The following NPAS3 variants were observed in gnomAD, a reference collection of about 807,000 sequenced individuals.
The protein encoded by NPAS3 is neuronal PAS domain protein 3.
NPAS3 carries 14 observed loss-of-function variants against 73.1 expected under a neutral mutation model. That is an observed-to-expected ratio of 0.19 (90% CI 0.13 to 0.30). The LOEUF (loss-of-function observed/expected upper bound fraction) is 0.30, where lower values mean the gene tolerates loss of function less well. NPAS3 is among the 10% of genes least tolerant of loss of function. The pLI is 1.00. For missense variants in NPAS3, 1,096 were observed against 1,250.0 expected (o/e 0.88, Z 1.86); for synonymous variants, 620 against 541.5 (o/e 1.14, Z -2.01).
chr14:33,698,434 C>T (rs2060444692), intron 6 of NPAS3, among the ~76,000 whole-genome samples: 1 of 152,134 alleles, frequency 6.6e-6, no homozygotes, highest in African/African-American at 2.4e-5. Flanking sequence ...CATAGCTTAA[C>T]TTCTTTCAAG....
intron 1 of NPAS3, among the ~76,000 whole-genome samples, chr14:33,053,543 G>T (rs1471502553): frequency 2.0e-5 from 3 of 152,272 alleles, no homozygotes; most frequent in African/African-American, 7.2e-5. Flanking sequence ...ACTTTTTCCT[G>T]GCAGTGTTTA....
chr14:33,703,332 A>C (rs1298301262), intron 6 of NPAS3, among the ~76,000 whole-genome samples: 1 of 152,090 alleles, frequency 6.6e-6, no homozygotes, highest in Non-Finnish European at 1.5e-5. Context: ...ACAAAAAAAA[A>C]ATTTTGAAAA....
chr14:33,263,552 G>T (rs931422291), intron 3 of NPAS3, among the ~76,000 whole-genome samples: 1 of 152,130 alleles, frequency 6.6e-6, no homozygotes, highest in Admixed American at 6.6e-5. Context: ...GTCAGGTAGC[G>T]TGATGCCTCC....
intron 1 of NPAS3, among the ~76,000 whole-genome samples, chr14:33,031,893 C>T (rs562045231): frequency 2.6e-5 from 4 of 152,328 alleles, no homozygotes; most frequent in Admixed American, 1.3e-4. Context: ...AGATTTTGAT[C>T]TCACAGAGCG....
In NPAS3 at chr14:33,293,383, T is replaced by C. The variant is rs538892316; in HGVS notation, c.386-73803T>C. 3.9e-5 allele frequency among the ~76,000 whole-genome samples: 6 copies of C among 152,294 alleles called. No homozygotes were observed. The South Asian group carries it at 1.2e-3, about 32-fold the overall frequency. On this transcript the variant is annotated intron_variant, in intron 3 of 11. Transcript: ENST00000356141. ...CCTGCCCCTTTTCTCAATAAACATT[T>C]ATTGAGCATCTTTTTAGGATAAAAA...
chr14:33,760,379 C>A (rs1270954978), intron 7 of NPAS3, among the ~76,000 whole-genome samples: 1 of 152,038 alleles, frequency 6.6e-6, no homozygotes, highest in African/African-American at 2.4e-5. Context: ...TTGCTGTATC[C>A]CCAGAATCTA....
At chr14:32,972,325 T>G (rs1212350683) in intron 1 of NPAS3, among the ~76,000 whole-genome samples, 1 of 152,158 alleles carries the variant, frequency 6.6e-6, no homozygotes, top group Non-Finnish European at 1.5e-5. Context: ...AAACTTGATG[T>G]TTTAGTGACC....
chr14:33,324,273 C>T (rs1237707057), intron 3 of NPAS3, among the ~76,000 whole-genome samples: 1 of 152,126 alleles, frequency 6.6e-6, no homozygotes, highest in Non-Finnish European at 1.5e-5. Context: ...TAATCCAGGA[C>T]TTGGGAATAA....
intron 2 of NPAS3, among the ~76,000 whole-genome samples, chr14:33,117,697 T>G (rs1000077366): frequency 6.6e-6 from 1 of 152,146 alleles, no homozygotes; most frequent in Non-Finnish European, 1.5e-5. Context: ...AATTGTAACC[T>G]TATTTGATAG....
At chr14:33,746,171 T>G (rs2061785328) in intron 7 of NPAS3, among the ~76,000 whole-genome samples, 1 of 144,360 alleles carries the variant, frequency 6.9e-6, no homozygotes, top group Non-Finnish European at 1.5e-5. Flanking sequence ...TTTTATTTTA[T>G]TTTATTTATT....
intron 1 of NPAS3, among the ~76,000 whole-genome samples, chr14:32,953,158 A>C (rs1021178703): frequency 6.6e-6 from 1 of 151,890 alleles, no homozygotes; most frequent in Non-Finnish European, 1.5e-5. Context: ...ACAGAGTTGG[A>C]AATATCTACT....
At chr14:33,357,969 A>T (rs2045415219) in intron 3 of NPAS3, among the ~76,000 whole-genome samples, 1 of 152,028 alleles carries the variant, frequency 6.6e-6, no homozygotes, top group Admixed American at 6.6e-5. Flanking sequence ...GGTCTGCATG[A>T]CTCCAGAACC....
rs140628903 is a variant in NPAS3 at position 33,244,836 on chromosome 14, G to A, written c.385+29410G>A. On this transcript the variant is annotated intron_variant, in intron 3 of 11. Coordinates refer to ENST00000356141, the Ensembl canonical transcript of NPAS3. Reference sequence around the variant, plus strand: ...CCCATAGGTGTCAACTTGAGTGGTCGTGCCTTCCTTGCATTGTTTTCTTCT... The same window carrying A: ...CCCATAGGTGTCAACTTGAGTGGTCATGCCTTCCTTGCATTGTTTTCTTCT... Among the ~76,000 whole-genome samples, 1,010 of 152,246 alleles carry A rather than the reference G, an allele frequency of 6.6e-3. 7 individuals carry two copies. The highest frequency in any genetic ancestry group is 0.023 in the African/African-American group (961 of 41,530).
intron 3 of NPAS3, among the ~76,000 whole-genome samples, chr14:33,331,817 G>A (rs529664824): frequency 2.6e-5 from 4 of 152,316 alleles, no homozygotes; most frequent in Non-Finnish European, 5.9e-5. Flanking sequence ...TTTTAGATGA[G>A]TAAAATATTC....
intron 3 of NPAS3, among the ~76,000 whole-genome samples, chr14:33,321,925 G>C (rs950264420): frequency 3.3e-5 from 5 of 152,244 alleles, no homozygotes; most frequent in Middle Eastern, 3.4e-3. Context: ...GAAACAGAAA[G>C]GATTTAGACA....
intron 5 of NPAS3, among the ~76,000 whole-genome samples, chr14:33,627,969 C>T (rs111977783): frequency 0.022 from 3,373 of 152,242 alleles, 119 homozygotes; most frequent in African/African-American, 0.076. Context: ...CCCAAAAATG[C>T]AAACATGGTG....
chr14:33,668,914 G>A (rs967923498), intron 5 of NPAS3, among the ~76,000 whole-genome samples: 1 of 152,254 alleles, frequency 6.6e-6, no homozygotes, highest in South Asian at 2.1e-4. Flanking sequence ...AATCAAAGGA[G>A]GAGGACAAAA....
intron 3 of NPAS3, among the ~76,000 whole-genome samples, chr14:33,328,303 C>G (rs112969855): frequency 0.052 from 7,822 of 151,198 alleles, 197 homozygotes; most frequent in Non-Finnish European, 0.061. Context: ...ATATTTGTAT[C>G]TTTTTAATTA....
chr14:33,684,052 A>T (rs1416556274), intron 6 of NPAS3, among the ~76,000 whole-genome samples: 2 of 152,128 alleles, frequency 1.3e-5, no homozygotes, highest in Non-Finnish European at 2.9e-5. Flanking sequence ...CCAAGATTAG[A>T]GGAAAGGGTA....
Sources: allele counts gnomAD v4.1 joint callset (sites outside exome capture counted in the v4.1 genomes callset), GRCh38; gene constraint gnomAD v4.1.1; transcripts MANE v1.5; gene names NCBI Gene and HGNC (gene_info 2026-07-23, HGNC 2026-07-21).